Variants in ZNF423 observed in about 807,000 individuals in gnomAD.
ZNF423 encodes the protein zinc finger protein 423.
A neutral mutation model predicts 95.8 loss-of-function variants in ZNF423; 12 were observed. That is an observed-to-expected ratio of 0.13 (90% confidence interval 0.08 to 0.20). The LOEUF (loss-of-function observed/expected upper bound fraction) is 0.20, where lower values mean the gene tolerates loss of function less well. ZNF423 is among the 10% of genes least tolerant of loss of function. The pLI is 1.00. For missense variants in ZNF423, 1,316 were observed against 1,737.1 expected (o/e 0.76, Z 4.31); for synonymous variants, 749 against 711.9 (o/e 1.05, Z -0.83).
At chr16:49,669,330 A>G (rs2030696300) in intron 3 of ZNF423, among the ~76,000 whole-genome samples, 1 of 147,446 alleles carries the variant, frequency 6.8e-6, no homozygotes, top group South Asian at 2.1e-4. Flanking sequence ...ACTCCGTCTC[A>G]AAAAAAAAAA....
chr16:49,771,664 T>C (rs755910308), intron 2 of ZNF423, among the ~76,000 whole-genome samples: 3 of 152,240 alleles, frequency 2.0e-5, no homozygotes, highest in Non-Finnish European at 4.4e-5. Flanking sequence ...CCCCTTTGCT[T>C]GGCTCTCATT....
At chr16:49,812,605 G>A (rs1394623742) in intron 1 of ZNF423, among the ~76,000 whole-genome samples, 3 of 152,200 alleles carry the variant, frequency 2.0e-5, no homozygotes, top group East Asian at 3.9e-4. Context: ...TCCTGAGCCT[G>A]TGAGTTCTAG....
At chr16:49,547,295 C>A (rs909494061) in intron 5 of ZNF423, among the ~76,000 whole-genome samples, 2 of 152,208 alleles carry the variant, frequency 1.3e-5, no homozygotes, top group Middle Eastern at 6.8e-3. Flanking sequence ...GCTCCACTCA[C>A]GGCTCTCTGG....
chr16:49,842,276 G>GGGGA (rs1325987740), intron 1 of ZNF423, among the ~76,000 whole-genome samples: 6 of 35,082 alleles, frequency 1.7e-4, no homozygotes, highest in African/African-American at 5.8e-4. Flanking sequence ...AGGGAGGGGA[G>GGGGA]GGGAGGGGAG....
intron 5 of ZNF423, among the ~76,000 whole-genome samples, chr16:49,623,675 A>G (rs1278508167): frequency 3.9e-5 from 6 of 152,192 alleles, no homozygotes; most frequent in Non-Finnish European, 8.8e-5. Context: ...GGAGAAATTA[A>G]GAAGCCACCA....
chr16:49,545,927 C>A (rs1344187545), intron 5 of ZNF423, among the ~76,000 whole-genome samples: 3 of 152,222 alleles, frequency 2.0e-5, no homozygotes, highest in South Asian at 2.1e-4. Flanking sequence ...AGCGCCCAGG[C>A]CTTTCAACCA....
chr16:49,646,710 A>G (rs571585050), intron 3 of ZNF423, among the ~76,000 whole-genome samples: 2 of 151,556 alleles, frequency 1.3e-5, no homozygotes, highest in East Asian at 3.9e-4. Context: ...AGTAGCTGGG[A>G]TTACAGGCAC....
chr16:49,520,075 A>T (rs1968328452), intron 7 of ZNF423, among the ~76,000 whole-genome samples: 1 of 151,900 alleles, frequency 6.6e-6, no homozygotes, highest in Non-Finnish European at 1.5e-5. Context: ...ATTTGGTTTT[A>T]TTTTTTTCAT....
intron 4 of ZNF423, among the ~76,000 whole-genome samples, chr16:49,626,530 C>A (rs2151865603): frequency 6.6e-6 from 1 of 152,194 alleles, no homozygotes; most frequent in East Asian, 1.9e-4. Context: ...GGGGAGGCCT[C>A]CTTGCTTAGA....
intron 1 of ZNF423, chr16:49,822,737 T>C: frequency 6.3e-7 from 1 of 1,599,634 alleles, no homozygotes; most frequent in Non-Finnish European, 8.5e-7. Context: ...CAGGAAGTTT[T>C]CCTGGGGGAA....
intron 1 of ZNF423, among the ~76,000 whole-genome samples, chr16:49,852,668 G>GA (rs938456289): frequency 6.6e-6 from 1 of 151,962 alleles, no homozygotes; most frequent in Non-Finnish European, 1.5e-5. Context: ...AAATCGGTCA[G>GA]AAAAATGTGA....
At chr16:49,764,090 G>A (rs972865201) in intron 2 of ZNF423, among the ~76,000 whole-genome samples, 5 of 152,204 alleles carry the variant, frequency 3.3e-5, no homozygotes, top group African/African-American at 9.7e-5. Context: ...GGAGGAGGTC[G>A]ATGTACTTTT....
At chr16:49,712,880 C>A (rs757416055) in intron 3 of ZNF423, among the ~76,000 whole-genome samples, 2 of 152,240 alleles carry the variant, frequency 1.3e-5, no homozygotes, top group Non-Finnish European at 2.9e-5. Flanking sequence ...CCCTATGAAG[C>A]CACAAACAGA....
chr16:49,773,460 G>A lies in ZNF423; in HGVS notation c.100+16027C>T, dbSNP rs559073874. Among the ~76,000 whole-genome samples, 149 of 152,296 alleles carry A rather than the reference G, an allele frequency of 9.8e-4. 1 individual carries two copies. Among genetic ancestry groups the A allele is most frequent in the Non-Finnish European group, 1.8e-3 (121 of 68,018 alleles). ...TCCACCTGACACATGGGGATTTGGG[G>A]GATTACAATTCAAGAGATTTGGGTG... On this transcript the variant is annotated intron_variant, in intron 2 of 7. Coordinates refer to ENST00000563137, the MANE Select transcript of ZNF423 (RefSeq NM_001379286.1).
chr16:49,718,935 A>G (rs1321292390), intron 3 of ZNF423, among the ~76,000 whole-genome samples: 2 of 151,940 alleles, frequency 1.3e-5, no homozygotes, highest in African/African-American at 4.8e-5. Flanking sequence ...ATAATAAAGG[A>G]CTCTTCTAGA....
At chr16:49,506,383 G>A (rs1445232996) in intron 7 of ZNF423, among the ~76,000 whole-genome samples, 1 of 152,192 alleles carries the variant, frequency 6.6e-6, no homozygotes, top group Non-Finnish European at 1.5e-5. Context: ...AAGATGGATA[G>A]TGGATGAATT....
chr16:49,645,893 A>G (rs954731399), intron 3 of ZNF423, among the ~76,000 whole-genome samples: 2 of 152,220 alleles, frequency 1.3e-5, no homozygotes, highest in African/African-American at 2.4e-5. Context: ...CATGTGAAGA[A>G]GGACATGTTT....
chr16:49,845,303 C>T (rs566848337), intron 1 of ZNF423, among the ~76,000 whole-genome samples: 2 of 151,870 alleles, frequency 1.3e-5, no homozygotes, highest in African/African-American at 4.8e-5. Flanking sequence ...CAGGGTTTCA[C>T]CATGTTGGCC....
intron 1 of ZNF423, among the ~76,000 whole-genome samples, chr16:49,790,627 G>A (rs1418960874): frequency 6.6e-6 from 1 of 152,244 alleles, no homozygotes; most frequent in Non-Finnish European, 1.5e-5. Flanking sequence ...TGTACAACAC[G>A]CAGGCAGCCA....
Sources: allele counts gnomAD v4.1 joint callset (sites outside exome capture counted in the v4.1 genomes callset), GRCh38; gene constraint gnomAD v4.1.1; transcripts MANE v1.5; gene names NCBI Gene and HGNC (gene_info 2026-07-23, HGNC 2026-07-21).